Variants in TOX observed in about 807,000 individuals in gnomAD.
The protein encoded by TOX is thymocyte selection associated high mobility group box, also known as thymocyte selection-associated high mobility group box protein TOX.
A neutral mutation model predicts 53.7 loss-of-function variants in TOX; 11 were observed. The ratio of observed to expected loss-of-function variants is 0.20; its 90% CI spans 0.13 to 0.34. The LOEUF is 0.34. Among genes scored for constraint, TOX ranks in the 10% least tolerant of loss-of-function variants. The pLI, the probability that TOX is intolerant of heterozygous loss-of-function variation, is 1.00. For synonymous variants in TOX, 225 were observed against 245.3 expected (o/e 0.92, Z 0.77); for missense variants, 570 against 664.6 (o/e 0.86, Z 1.56).
At chr8:58,836,314 A>G (rs575913116) in intron 5 of TOX, among the ~76,000 whole-genome samples, 1 of 152,296 alleles carries the variant, frequency 6.6e-6, no homozygotes, top group East Asian at 1.9e-4. Flanking sequence ...TCAGTTGGGA[A>G]CCACACCTCA....
chr8:59,057,555 T>C (rs1487531409), intron 1 of TOX, among the ~76,000 whole-genome samples: 1 of 152,200 alleles, frequency 6.6e-6, no homozygotes, highest in African/African-American at 2.4e-5. Flanking sequence ...AATGACATTG[T>C]GTCACTCCAG....
chr8:58,939,024 C>T (rs528083820), intron 3 of TOX, among the ~76,000 whole-genome samples: 34 of 152,290 alleles, frequency 2.2e-4, no homozygotes, highest in Middle Eastern at 3.4e-3. Context: ...GCTGGTAAGC[C>T]GGTTTGACTC....
At chr8:58,821,348 C>T (rs1390020376) in intron 6 of TOX, among the ~76,000 whole-genome samples, 1 of 152,078 alleles carries the variant, frequency 6.6e-6, no homozygotes, top group East Asian at 1.9e-4. Context: ...TAATAATACT[C>T]ATAGCTTATA....
chr8:58,868,873 A>AAG (rs1252466368), intron 3 of TOX, among the ~76,000 whole-genome samples: 4 of 151,888 alleles, frequency 2.6e-5, no homozygotes, highest in Admixed American at 1.3e-4. Context: ...AGGAAAAAAA[A>AAG]AAAAATCAAC....
intron 1 of TOX, among the ~76,000 whole-genome samples, chr8:58,975,262 A>ACACC (rs1563406352): frequency 7.2e-6 from 1 of 137,984 alleles, no homozygotes; most frequent in African/African-American, 2.6e-5. Flanking sequence ...ACACACACAC[A>ACACC]CCCCCACACA....
At chr8:58,992,825 A>T (rs1476681045) in intron 1 of TOX, 4 of 152,196 alleles carry the variant, frequency 2.6e-5, no homozygotes, top group African/African-American at 9.7e-5. Context: ...AGATGGAGAT[A>T]AAAAAGGGGA....
At chr8:58,914,996 G>C (rs1811983246) in intron 3 of TOX, among the ~76,000 whole-genome samples, 1 of 151,276 alleles carries the variant, frequency 6.6e-6, no homozygotes, top group Non-Finnish European at 1.5e-5. Flanking sequence ...TTTCAGACCG[G>C]CTTAAAAAAC....
chr8:59,089,298 A>C (rs1396577701), intron 1 of TOX, among the ~76,000 whole-genome samples: 1 of 152,124 alleles, frequency 6.6e-6, no homozygotes, highest in Admixed American at 6.5e-5. Context: ...AGGTAACTGA[A>C]TTTTCTTCAA....
chr8:59,113,720 G>A (rs1586027736), intron 1 of TOX, among the ~76,000 whole-genome samples: 1 of 152,130 alleles, frequency 6.6e-6, no homozygotes, highest in Non-Finnish European at 1.5e-5. Flanking sequence ...AGGAGTTGGA[G>A]TGGCTGGGAA....
rs1201592575 is a variant in TOX, at chr8:59,118,880, G to T, written c.102+6C>A. ...AACACGGTGGAAACAAAAGCAGAGC[G>T]TTCACCTTGTTGCAATAGTAGGGGT... On this transcript the variant is annotated splice_donor_region_variant and intron_variant, in intron 1 of 8. Coordinates refer to ENST00000361421, the MANE Select transcript of TOX (RefSeq NM_014729.3). The surrounding 1 kb of genome is among the most constrained non-coding windows in gnomAD (Gnocchi z 4.1). 6 of 1,578,412 alleles carry T rather than the reference G, an allele frequency of 3.8e-6. No individual in the cohort carries two copies. In the Admixed American group the frequency reaches 5.3e-5, roughly 14 times the overall value.
At chr8:58,835,058 T>C (rs903750761) in intron 5 of TOX, among the ~76,000 whole-genome samples, 21 of 152,336 alleles carry the variant, frequency 1.4e-4, no homozygotes, top group African/African-American at 5.0e-4. Flanking sequence ...TTTATTTCTC[T>C]CAATCTTGGC....
At chr8:58,849,841 G>T (rs1365512450) in intron 4 of TOX, among the ~76,000 whole-genome samples, 3 of 152,072 alleles carry the variant, frequency 2.0e-5, no homozygotes, top group African/African-American at 7.2e-5. Context: ...AAATTGACTT[G>T]AATTATTCAT....
chr8:58,959,069 T>C (rs1414933597), intron 2 of TOX, among the ~76,000 whole-genome samples: 1 of 152,214 alleles, frequency 6.6e-6, no homozygotes, highest in Non-Finnish European at 1.5e-5. Flanking sequence ...ATTACTAACA[T>C]ATGAAATTCC....
chr8:58,892,714 T>A (rs546995748), intron 3 of TOX, among the ~76,000 whole-genome samples: 1 of 152,294 alleles, frequency 6.6e-6, no homozygotes, highest in Admixed American at 6.5e-5. Flanking sequence ...TGGACTGTAT[T>A]GCTTGCACGA....
chr8:58,883,697 G>A (rs1246954699), intron 3 of TOX, among the ~76,000 whole-genome samples: 2 of 151,918 alleles, frequency 1.3e-5, no homozygotes, highest in South Asian at 2.1e-4. Flanking sequence ...TGGAATGTAG[G>A]ATTTCTATGA....
In TOX at chr8:58,806,194, T is replaced by C. The variant is rs1321384183; in HGVS notation, c.*1553A>G. The C allele has an allele frequency of 1.3e-5, 2 of 152,240 alleles. No individual in the cohort carries two copies. The highest frequency in any genetic ancestry group is 2.9e-5 in the Non-Finnish European group (2 of 68,038). The allele number at this position is 152,240 out of a possible 1,614,324, so 9.4% of individuals were successfully genotyped here. On this transcript the variant is annotated 3_prime_UTR_variant, in exon 9 of 9. Coordinates refer to ENST00000361421, the MANE Select transcript of TOX (RefSeq NM_014729.3). ...CTTGGAAGACCCAGGAATTCTGGAA[T>C]GAGTAGTAGCTTGTAGAGGCACAAA...
At chr8:58,911,703 C>T (rs1177958778) in intron 3 of TOX, among the ~76,000 whole-genome samples, 2 of 151,260 alleles carry the variant, frequency 1.3e-5, no homozygotes, top group African/African-American at 4.9e-5. Flanking sequence ...CAAAACTTTT[C>T]TTTTTTTTTC....
intron 1 of TOX, among the ~76,000 whole-genome samples, chr8:58,974,708 TA>T (rs10709333): frequency 0.51 from 77,077 of 151,958 alleles, 21,724 homozygotes; most frequent in Non-Finnish European, 0.62. Context: ...AAACTACACA[TA>T]AAAACTGCCA....
At chr8:59,048,930 T>C (rs1275963255) in intron 1 of TOX, among the ~76,000 whole-genome samples, 1 of 152,184 alleles carries the variant, frequency 6.6e-6, no homozygotes, top group Non-Finnish European at 1.5e-5. Flanking sequence ...ATATGAAATA[T>C]GGTTATTGAA....
Sources: gnomAD v4.1 joint callset for allele counts (sites outside exome capture counted in the v4.1 genomes callset) on GRCh38, gnomAD v4.1.1 for gene constraint, Gnocchi (gnomAD v3.1) non-coding constraint, MANE v1.5 for transcripts, NCBI Gene and HGNC (gene_info 2026-07-23, HGNC 2026-07-21) for gene names.